Variants in EVC observed in about 807,000 individuals in gnomAD.
EVC encodes the protein EvC ciliary complex subunit 1.
In EVC, 116 loss-of-function variants were observed where a neutral mutation model predicts 118.9. The observed-to-expected ratio is 0.98, with a 90% CI of 0.84 to 1.14. EVC has a LOEUF of 1.14. EVC is among the 50% of genes most tolerant of loss of function. The pLI is 0.00. For missense variants in EVC, 1,401 were observed against 1,246.4 expected (o/e 1.12, Z -1.87); for synonymous variants, 619 against 534.7 (o/e 1.16, Z -2.18).
intron 11 of EVC, among the ~76,000 whole-genome samples, chr4:5,770,745 T>C (rs1468189946): frequency 1.3e-5 from 2 of 152,152 alleles, no homozygotes; most frequent in African/African-American, 2.4e-5. Flanking sequence ...GAGTGTTGGC[T>C]AACACCTGTA....
rs1466782420 is a variant in EVC at position 5,789,044 on chromosome 4, A to T, written c.1777-4564A>T. On this transcript the variant is annotated intron_variant, in intron 12 of 20. Coordinates refer to ENST00000264956, the MANE Select transcript of EVC (RefSeq NM_153717.3). This position sits in a 1 kb window ranked among gnomAD's most constrained non-coding sequence, Gnocchi z 4.3. Reference sequence around the variant, plus strand: ...CCACTAATTTTTAGGATACATATTTAAAAATATTTTAACATCCCTGAAATC... The same window carrying T: ...CCACTAATTTTTAGGATACATATTTTAAAATATTTTAACATCCCTGAAATC... Among the ~76,000 whole-genome samples, 2 of 152,184 alleles carry T rather than the reference A, an allele frequency of 1.3e-5. No homozygotes were observed. The highest frequency in any genetic ancestry group is 2.9e-5 in the Non-Finnish European group (2 of 68,030).
At chr4:5,817,585 C>T (rs1359719039), downstream of EVC, among the ~76,000 whole-genome samples, 1 of 152,310 alleles carries the variant, frequency 6.6e-6, no homozygotes, top group East Asian at 1.9e-4. Context: ...GCTAAGAGCC[C>T]CTTTTGCTTA....
chr4:5,771,189 C>G (rs1232770626), intron 11 of EVC, among the ~76,000 whole-genome samples: 2 of 152,084 alleles, frequency 1.3e-5, no homozygotes, highest in Admixed American at 6.6e-5. Context: ...ATGTGGATCT[C>G]TCTGGGTTAA....
intron 8 of EVC, among the ~76,000 whole-genome samples, chr4:5,751,458 C>T (rs1730355602): frequency 6.6e-6 from 1 of 152,264 alleles, no homozygotes; most frequent in East Asian, 1.9e-4. Context: ...CCGCGGCCCA[C>T]CTGGCACCTC....
At chr4:5,809,222 C>T (rs1045119956) in intron 18 of EVC, among the ~76,000 whole-genome samples, 1 of 152,210 alleles carries the variant, frequency 6.6e-6, no homozygotes, top group African/African-American at 2.4e-5. Flanking sequence ...CCATCCTATT[C>T]TGCTGCACCT....
At chr4:5,772,170 A>T (rs145941091) in intron 11 of EVC, among the ~76,000 whole-genome samples, 6,386 of 152,270 alleles carry the variant, frequency 0.042, 185 homozygotes, top group Middle Eastern at 0.061. Flanking sequence ...TGCTGGGATT[A>T]CAGGCGTGAG....
At position 5,731,659 on chromosome 4, in the gene EVC, T is replaced by A; in HGVS notation, c.617+2T>A. 6.2e-7 allele frequency: 1 copy of A among 1,613,124 alleles called. No individual in the cohort carries two copies. Among genetic ancestry groups the A allele is most frequent in the Non-Finnish European group, 8.5e-7 (1 of 1,179,582 alleles). Reference sequence around the variant, plus strand: ...CCCTGAAGTGCTGGCCTGCGAGAGGTAAGGAGAGCGGGCAATGGAGGATGA... The same window carrying A: ...CCCTGAAGTGCTGGCCTGCGAGAGGAAAGGAGAGCGGGCAATGGAGGATGA... On this transcript the variant is annotated splice_donor_variant, in intron 4 of 20. Coordinates refer to ENST00000264956, the MANE Select transcript of EVC (RefSeq NM_153717.3). LOFTEE classifies it high-confidence loss of function. This position sits in a 1 kb window ranked among gnomAD's most constrained non-coding sequence, Gnocchi z 5.6.
rs1305499522 is a variant in EVC at position 5,808,143 on chromosome 4, C to T, written c.2562-58C>T. On this transcript the variant is annotated intron_variant, in intron 17 of 20. Transcript: ENST00000264956. Reference sequence around the variant, plus strand: ...CCCTGCCTTCCTTCTCCCTCCCTCCCTCCCTCCCTCCCTCCCTTCCTTCCT... The same window carrying T: ...CCCTGCCTTCCTTCTCCCTCCCTCCTTCCCTCCCTCCCTCCCTTCCTTCCT... 4 of 569,730 alleles carry T rather than the reference C, an allele frequency of 7.0e-6. No individual in the cohort carries two copies. In the East Asian group the frequency reaches 1.3e-4, roughly 19 times the overall value. 35.3% of individuals were successfully genotyped at this position (569,730 alleles called of 1,614,324 possible).
intron 16 of EVC, 136 bp from the exon 17 acceptor site, chr4:5,804,594 T>G: frequency 1.3e-6 from 1 of 745,928 alleles, no homozygotes; most frequent in African/African-American, 1.7e-5. Context: ...CAATGCCCTG[T>G]CCCTGTGCTG....
At position 5,731,045 on chromosome 4, in the gene EVC, C is replaced by T. The variant is rs1206647171; in HGVS notation, c.385-380C>T. Among the ~76,000 whole-genome samples the T allele has an allele frequency of 3.3e-5, 5 of 152,038 alleles. No individual in the cohort carries two copies. In the East Asian group the frequency reaches 7.8e-4, roughly 24 times the overall value. The stretch of plus-strand genomic sequence containing the variant: ...TGGTTGGCAGGATTCGTGGAGGGAG[C>T]AGGCCAGGGGGTCAGCAGCAAGGAG... On this transcript the variant is annotated intron_variant, in intron 3 of 20. Transcript: ENST00000264956. The surrounding 1 kb of genome is among the most constrained non-coding windows in gnomAD (Gnocchi z 5.6).
rs918174974 is a variant in EVC, at chr4:5,754,620, A to C, written c.1464+687A>C. 2.6e-5 allele frequency among the ~76,000 whole-genome samples: 4 copies of C among 152,002 alleles called. No homozygotes were observed. The highest frequency in any genetic ancestry group is 7.2e-5 in the African/African-American group (3 of 41,388). On this transcript the variant is annotated intron_variant, in intron 10 of 20. Coordinates refer to ENST00000264956, the MANE Select transcript of EVC (RefSeq NM_153717.3). The surrounding 1 kb of genome is among the most constrained non-coding windows in gnomAD (Gnocchi z 5.8). ...TGGGCAGTGGGGCTGGGAGAGGACC[A>C]GCTTGTCCGTAACCGTCTTGCAGGC...
Position 5,733,425 on chromosome 4 carries a change from A to G in EVC, c.692A>G (p.Glu231Gly). 6.2e-7 allele frequency: 1 copy of G among 1,613,838 alleles called. No individual in the cohort carries two copies. Among genetic ancestry groups the G allele is most frequent in the Non-Finnish European group, 8.5e-7 (1 of 1,179,756 alleles). Reference sequence around the variant, plus strand: ...CATTTGGACACGGCACTGAGGCAGGAAAAGCATATGGTAGGTGGAGATGTT... The same window carrying G: ...CATTTGGACACGGCACTGAGGCAGGGAAAGCATATGGTAGGTGGAGATGTT... The part of the protein sequence containing the change: ...LLHLDTALRQ[E>G]KHMMFIQIFK... The change falls in exon 5 of 21, where the codon GAA (glutamate) becomes GGA (glycine). Residue 231 changes from glutamate to glycine, a missense_variant. By Grantham distance (98) the Glu-to-Gly change is moderately conservative. Coordinates refer to ENST00000264956, the MANE Select transcript of EVC (RefSeq NM_153717.3).
At chr4:5,825,460 A>C in the EVC span, 1 of 1,538,274 alleles carries the variant, frequency 6.5e-7, no homozygotes, top group Non-Finnish European at 8.7e-7. This position sits in a 1 kb window ranked among gnomAD's most constrained non-coding sequence, Gnocchi z 4.4. Context: ...AACTGCTGCA[A>C]TTGTGGGGAG....
At chr4:5,712,073 G>C (rs1456228514) in intron 1 of EVC, among the ~76,000 whole-genome samples, 1 of 152,202 alleles carries the variant, frequency 6.6e-6, no homozygotes, top group Non-Finnish European at 1.5e-5. Context: ...CGACATTCAT[G>C]AGCGGGAGAG....
chr4:5,763,563 C>T (rs59572896), intron 11 of EVC, among the ~76,000 whole-genome samples: 20,333 of 104,624 alleles, frequency 0.19, 1,378 homozygotes, highest in Middle Eastern at 0.29. Flanking sequence ...TGTTTGTATC[C>T]TCTTTTATTT....
At chr4:5,768,666 G>A (rs1733422600) in intron 11 of EVC, among the ~76,000 whole-genome samples, 1 of 151,928 alleles carries the variant, frequency 6.6e-6, no homozygotes, top group Admixed American at 6.5e-5. Context: ...AGACTAGCCT[G>A]GCCAACAGGG....
At chr4:5,728,475 T>C (rs1032550110) in intron 2 of EVC, among the ~76,000 whole-genome samples, 1 of 152,076 alleles carries the variant, frequency 6.6e-6, no homozygotes, top group African/African-American at 2.4e-5. Flanking sequence ...GATTTTGGGC[T>C]GAGACAATGG....
chr4:5,811,391 G>T lies in EVC; in HGVS notation c.*354G>T, dbSNP rs1329899177. The T allele has an allele frequency of 2.1e-5, 7 of 334,420 alleles. No individual in the cohort carries two copies. Among genetic ancestry groups the T allele is most frequent in the Non-Finnish European group, 4.0e-5 (7 of 175,484 alleles). 20.7% of individuals were successfully genotyped at this position (334,420 alleles called of 1,614,324 possible). On this transcript the variant is annotated 3_prime_UTR_variant, in exon 21 of 21. Transcript: ENST00000264956. ...AGACTCTGGAATCCCTGGCCCAAAGGCCTGTCTGGGCCCATCTGGGGCTGA... is the reference window on the plus strand; with the variant it reads ...AGACTCTGGAATCCCTGGCCCAAAGTCCTGTCTGGGCCCATCTGGGGCTGA...
chr4:5,766,128 G>C (rs1235924511), intron 11 of EVC, among the ~76,000 whole-genome samples: 1 of 143,238 alleles, frequency 7.0e-6, no homozygotes, highest in African/African-American at 2.6e-5. Flanking sequence ...GCATTTGCTT[G>C]TCTGTAAAGT....
Sources: gnomAD v4.1 joint callset for allele counts (sites outside exome capture counted in the v4.1 genomes callset) on GRCh38, gnomAD v4.1.1 for gene constraint, Gnocchi (gnomAD v3.1) non-coding constraint, MANE v1.5 for transcripts, NCBI Gene and HGNC (gene_info 2026-07-23, HGNC 2026-07-21) for gene names.